GRIK5: variants seen among roughly 807,000 people sequenced by gnomAD.
The protein encoded by GRIK5 is glutamate receptor ionotropic, kainate 5.
GRIK5 carries 43 observed loss-of-function variants against 97.4 expected under a neutral mutation model. The ratio of observed to expected loss-of-function variants is 0.44; its 90% confidence interval spans 0.35 to 0.57. The LOEUF is 0.57. Ranked by LOEUF, GRIK5 falls within the 20% of genes least tolerant of loss-of-function variation. The probability of loss-of-function intolerance (pLI) is 0.01; values close to 1 mark genes in which losing one functional copy is unlikely to be tolerated. For missense variants in GRIK5, 1,015 were observed against 1,382.0 expected (o/e 0.73, Z 4.21); for synonymous variants, 580 against 583.5 (o/e 0.99, Z 0.09).
intron 12 of GRIK5, among the ~76,000 whole-genome samples, chr19:42,039,944 C>A (rs772025507): frequency 2.0e-5 from 3 of 151,714 alleles, no homozygotes; most frequent in Non-Finnish European, 4.4e-5. Flanking sequence ...TGCACTACTG[C>A]GCTCCAGCCT....
intron 12 of GRIK5, among the ~76,000 whole-genome samples, chr19:42,024,671 G>A (rs1297506695): frequency 2.6e-5 from 4 of 152,182 alleles, no homozygotes; most frequent in Admixed American, 1.3e-4. Context: ...GGGTTTGACC[G>A]AGTACAGCCT....
intron 11 of GRIK5, among the ~76,000 whole-genome samples, chr19:42,044,356 G>T (rs1005734858): frequency 6.6e-6 from 1 of 152,156 alleles, no homozygotes; most frequent in African/African-American, 2.4e-5. Context: ...TAAATGTTCT[G>T]CAGGCCAAAA....
chr19:42,022,751 C>T lies in GRIK5; in HGVS notation c.1474-397G>A. 1.3e-6 allele frequency: 1 copy of T among 772,902 alleles called. No individual in the cohort carries two copies. The highest frequency in any genetic ancestry group is 1.6e-6 in the Non-Finnish European group (1 of 636,254). 47.9% of individuals were successfully genotyped at this position (772,902 alleles called of 1,614,324 possible). On this transcript the variant is annotated intron_variant, in intron 12 of 19. Coordinates refer to ENST00000593562, the MANE Select transcript of GRIK5 (RefSeq NM_002088.5). The surrounding 1 kb of genome is among the most constrained non-coding windows in gnomAD (Gnocchi z 4.2). ...AGATAATACAGGCCCGGACAGAACACAGAGCAGGGAGAGAGGAGGCAGGGC... is the reference window on the plus strand; with the variant it reads ...AGATAATACAGGCCCGGACAGAACATAGAGCAGGGAGAGAGGAGGCAGGGC...
intron 15 of GRIK5, among the ~76,000 whole-genome samples, chr19:42,012,835 C>G (rs2075579827): frequency 1.3e-5 from 2 of 151,144 alleles, no homozygotes; most frequent in South Asian, 4.2e-4. Flanking sequence ...CCACTGTACT[C>G]CAGCCTGGGC....
At position 42,047,213 on chromosome 19, in the gene GRIK5, T is replaced by A. The variant is rs117655227; in HGVS notation, c.1270-4458A>T. Reference sequence around the variant, plus strand: ...CCCTTCCCCAGTGTAACAATTTTTTTAAAATTGAAGTATGATATTTAAGTG... The same window carrying A: ...CCCTTCCCCAGTGTAACAATTTTTTAAAAATTGAAGTATGATATTTAAGTG... On this transcript the variant is annotated intron_variant, in intron 11 of 19. Transcript: ENST00000593562. Among the ~76,000 whole-genome samples the A allele has an allele frequency of 1.0e-3, 157 of 151,968 alleles. 4 individuals carry two copies. In the East Asian group the frequency reaches 0.026, roughly 26 times the overall value.
chr19:42,002,259 A>G lies in GRIK5; in HGVS notation c.2514+1073T>C. ...GACCCCCCACTGCTGCCAAGGCTGT[A>G]AAGAGAAGGGAAGAAAGTGGGCGGT... On this transcript the variant is annotated intron_variant, in intron 19 of 19. Coordinates refer to ENST00000593562, the MANE Select transcript of GRIK5 (RefSeq NM_002088.5). This position sits in a 1 kb window ranked among gnomAD's most constrained non-coding sequence, Gnocchi z 5.2. The G allele has an allele frequency of 2.8e-6, 2 of 717,702 alleles. No homozygotes were observed. Among genetic ancestry groups the G allele is most frequent in the South Asian group, 3.0e-5 (2 of 67,604 alleles). The allele number at this position is 717,702 out of a possible 1,614,324, so 44.5% of individuals were successfully genotyped here. A position where few individuals can be genotyped will look rare whatever the true frequency, so the allele number is the denominator to read the frequency against.
intron 11 of GRIK5, among the ~76,000 whole-genome samples, chr19:42,049,590 G>A (rs1331189779): frequency 2.0e-5 from 3 of 152,152 alleles, no homozygotes; most frequent in East Asian, 1.9e-4. Context: ...CTGTGGTGAC[G>A]GAAGCTGAGA....
intron 11 of GRIK5, among the ~76,000 whole-genome samples, chr19:42,045,696 G>A (rs1340350547): frequency 6.6e-6 from 1 of 152,174 alleles, no homozygotes; most frequent in African/African-American, 2.4e-5. Context: ...CCAAAATTGT[G>A]GAACGGGGAA....
At chr19:42,005,590 G>A (rs1555872293) in intron 17 of GRIK5, 133 bp downstream of exon 17, 3 of 660,538 alleles carry the variant, frequency 4.5e-6, no homozygotes, top group Admixed American at 4.5e-5. Context: ...GCCTGCCCAA[G>A]ACCATACAGC....
intron 11 of GRIK5, among the ~76,000 whole-genome samples, chr19:42,044,712 G>A (rs2076021750): frequency 6.6e-6 from 1 of 152,220 alleles, no homozygotes; most frequent in Non-Finnish European, 1.5e-5. Flanking sequence ...CACTTTGGGA[G>A]GCCAAGACAG....
Position 41,999,494 on chromosome 19 carries a change from T to C in GRIK5, c.2515-195A>G, listed in dbSNP as rs1293827857. On this transcript the variant is annotated intron_variant, in intron 19 of 19. Coordinates refer to ENST00000593562, the MANE Select transcript of GRIK5 (RefSeq NM_002088.5). This position sits in a 1 kb window ranked among gnomAD's most constrained non-coding sequence, Gnocchi z 5.0. ...TCCCCTCTCCACCTCTCCCCACTTA[T>C]CTTCAATGTCTCCATTCTACTCTGC... 6.6e-6 allele frequency among the ~76,000 whole-genome samples: 1 copy of C among 152,140 alleles called. No individual in the cohort carries two copies. Among genetic ancestry groups the C allele is most frequent in the Non-Finnish European group, 1.5e-5 (1 of 68,010 alleles).
rs771939914 is a variant in GRIK5 at position 42,062,575 on chromosome 19, T to C, written c.421A>G (p.Ser141Gly). ...LRFASVSLYP[S>G]NEDVSLAVSR... Reference sequence around the variant, plus strand: ...ACCGCCAAGCTGACGTCCTCGTTACTGGGGTACAGGCTGACAGACGCGAAG... The same window carrying C: ...ACCGCCAAGCTGACGTCCTCGTTACCGGGGTACAGGCTGACAGACGCGAAG... Residue 141 changes from serine (S) to glycine (G), a missense_variant, in exon 5 of 20, where the codon AGT (serine) becomes GGT (glycine). By Grantham distance (56) the Ser-to-Gly change is moderately conservative. Around this residue, in one of 5 missense-constraint regions of GRIK5, gnomAD observed 198 missense variants for 218.2 expected, o/e 0.91. Coordinates refer to ENST00000593562, the MANE Select transcript of GRIK5 (RefSeq NM_002088.5). The surrounding 1 kb of genome is among the most constrained non-coding windows in gnomAD (Gnocchi z 5.3). 16 of 1,614,050 alleles carry C rather than the reference T, an allele frequency of 9.9e-6. No individual in the cohort carries two copies. The highest frequency in any genetic ancestry group is 1.4e-5 in the Non-Finnish European group (16 of 1,180,016).
intron 12 of GRIK5, among the ~76,000 whole-genome samples, chr19:42,033,431 G>A (rs926867533): frequency 4.0e-5 from 6 of 151,624 alleles, no homozygotes; most frequent in Admixed American, 3.3e-4. Context: ...CACAAAGACC[G>A]CATATTGGAT....
In GRIK5 at chr19:42,069,764, C is replaced by A. The variant is rs2076398373; in HGVS notation, c.-574G>T. On this transcript the variant is annotated 5_prime_UTR_variant, in exon 1 of 20. Coordinates refer to ENST00000593562, the MANE Select transcript of GRIK5 (RefSeq NM_002088.5). ...GGGGGCCGCCCCCTTTCCCCCTCCC[C>A]CCTGGAGCCTGGGCCCTGCCCTGGT... Among the ~76,000 whole-genome samples the A allele has an allele frequency of 6.6e-6, 1 of 151,798 alleles. No individual in the cohort carries two copies. Among genetic ancestry groups the A allele is most frequent in the Non-Finnish European group, 1.5e-5 (1 of 67,870 alleles).
At position 42,022,234 on chromosome 19, in the gene GRIK5, A is replaced by G. The variant is rs1309514133; in HGVS notation, c.1587+7T>C. On this transcript the variant is annotated splice_region_variant and intron_variant, in intron 13 of 19. Coordinates refer to ENST00000593562, the MANE Select transcript of GRIK5 (RefSeq NM_002088.5). This position sits in a 1 kb window ranked among gnomAD's most constrained non-coding sequence, Gnocchi z 4.2. ...CAAGCAGCCCATGGTCTCCAGGGGA[A>G]CCATACCATGTGCACTCGGTAGAGG... 2 of 1,592,632 alleles carry G rather than the reference A, an allele frequency of 1.3e-6. No individual in the cohort carries two copies. Among genetic ancestry groups the G allele is most frequent in the South Asian group, 1.1e-5 (1 of 90,644 alleles).
chr19:42,039,147 C>T (rs1312786327), intron 12 of GRIK5, among the ~76,000 whole-genome samples: 1 of 152,200 alleles, frequency 6.6e-6, no homozygotes, highest in Non-Finnish European at 1.5e-5. Context: ...CTTCCCCCAA[C>T]CCCAGGGCCA....
rs559490139 is a variant in GRIK5 at position 41,999,359 on chromosome 19, C to T, written c.2515-60G>A. On this transcript the variant is annotated intron_variant, in intron 19 of 19. Transcript: ENST00000593562. The surrounding 1 kb of genome is among the most constrained non-coding windows in gnomAD (Gnocchi z 5.0). ...AGTCCGCCTCCCGCCTCCCCCAGCCCCTCTCCACATCCCACTCCTCCTCCT... is the reference window on the plus strand; with the variant it reads ...AGTCCGCCTCCCGCCTCCCCCAGCCTCTCTCCACATCCCACTCCTCCTCCT... 2 of 1,297,866 alleles carry T rather than the reference C, an allele frequency of 1.5e-6. No homozygotes were observed. The highest frequency in any genetic ancestry group is 5.1e-5 in the Admixed American group (2 of 39,388). 80.4% of individuals were successfully genotyped at this position (1,297,866 alleles called of 1,614,324 possible). A position where few individuals can be genotyped will look rare whatever the true frequency, so the allele number is the denominator to read the frequency against.
At chr19:42,051,911 G>A (rs1308680185) in intron 11 of GRIK5, among the ~76,000 whole-genome samples, 1 of 152,080 alleles carries the variant, frequency 6.6e-6, no homozygotes, top group South Asian at 2.1e-4. Flanking sequence ...TGCCACCTCT[G>A]CCAGGAAGCC....
chr19:42,017,828 G>T (rs1027670132), intron 15 of GRIK5, among the ~76,000 whole-genome samples: 2 of 152,190 alleles, frequency 1.3e-5, no homozygotes, highest in Admixed American at 6.5e-5. Flanking sequence ...AGGAGGGCGT[G>T]AGGAAAGGAG....
Sources: gnomAD v4.1 joint callset for allele counts (sites outside exome capture counted in the v4.1 genomes callset) on GRCh38, gnomAD v4.1.1 for gene constraint, gnomAD v4.1.1 regional missense constraint, Gnocchi (gnomAD v3.1) non-coding constraint, MANE v1.5 for transcripts, NCBI Gene and HGNC (gene_info 2026-07-23, HGNC 2026-07-21) for gene names.